ITGAD: variants seen among roughly 807,000 people sequenced by gnomAD.
ITGAD encodes integrin alpha-D.
Under a neutral mutation model 139.0 loss-of-function variants are expected in ITGAD, and 105 were observed. The observed-to-expected ratio is 0.76, with a 90% confidence interval of 0.65 to 0.89. The LOEUF (loss-of-function observed/expected upper bound fraction) is 0.89. Ranked by LOEUF, ITGAD falls within the 40% of genes least tolerant of loss-of-function variation. The pLI is 0.00. For synonymous variants in ITGAD, 569 were observed against 598.3 expected, an observed-to-expected ratio of 0.95 and a Z score of 0.71; for missense variants, 1,384 against 1,487.3, an observed-to-expected ratio of 0.93 and a Z score of 1.14.
At position 31,397,384 on chromosome 16, in the gene ITGAD, G is replaced by A; in HGVS notation, c.163G>A (p.Val55Met). ...ACTCGTGGTGGGAGCACCCCTGGAG[G>A]TGGTGGCGGCCAACCAGACGGGACG... is the stretch of plus-strand genomic sequence containing the variant. ...SRLVVGAPLE[V>M]VAANQTGRLY... The change falls in exon 3 of 30, where the codon GTG becomes ATG. Residue 55 changes from valine (V) to methionine (M), a missense_variant. Transcript: ENST00000389202. The A allele has an allele frequency of 1.2e-6, 2 of 1,603,586 alleles. No individual in the cohort carries two copies. The highest frequency in any genetic ancestry group is 1.7e-6 in the Non-Finnish European group (2 of 1,175,626).
At chr16:31,398,436 A>C (rs1444613436) in intron 5 of ITGAD, among the ~76,000 whole-genome samples, 25 of 150,874 alleles carry the variant, frequency 1.7e-4, no homozygotes, top group Admixed American at 1.1e-3. Flanking sequence ...TCAAAAAAAA[A>C]AAAAAAACAA....
In ITGAD at chr16:31,410,802, A is replaced by G; in HGVS notation, c.1280A>G (p.Gln427Arg). Residue 427 changes from glutamine (Q) to arginine (R), a missense_variant, in exon 12 of 30, where the codon CAG (glutamine) becomes CGG (arginine). Physicochemically the swap from Gln to Arg is conservative, Grantham distance 43 (BLOSUM62 1). Coordinates refer to ENST00000389202, the MANE Select transcript of ITGAD (RefSeq NM_005353.3). Reference protein sequence around the residue: ...QNLVLGAPRYQHTGKAVIFTQ... With the variant: ...QNLVLGAPRYRHTGKAVIFTQ... ...CTGGTCCTGGGGGCCCCCCGCTACCAGCATACCGGGAAGGCTGTCATCTTC... is the reference window on the plus strand; with the variant it reads ...CTGGTCCTGGGGGCCCCCCGCTACCGGCATACCGGGAAGGCTGTCATCTTC... 1 of 1,613,896 alleles carries G rather than the reference A, an allele frequency of 6.2e-7. No homozygotes were observed. The highest frequency in any genetic ancestry group is 1.1e-5 in the South Asian group (1 of 91,090).
Position 31,397,432 on chromosome 16 carries a change from A to C in ITGAD, c.211A>C (p.Thr71Pro). 6.2e-7 allele frequency: 1 copy of C among 1,601,202 alleles called. No homozygotes were observed. The highest frequency in any genetic ancestry group is 1.1e-5 in the South Asian group (1 of 88,862). Residue 71 changes from threonine to proline, a missense_variant, in exon 3 of 30, where the codon ACC becomes CCC. Physicochemically the swap from Thr to Pro is conservative, Grantham distance 38. Transcript: ENST00000389202. ...ACGGCTGTATGACTGCGCAGCTGCC[A>C]CCGGCATGTGCCAGCCCATCCCGCT... Reference protein sequence around the residue: ...TGRLYDCAAATGMCQPIPLHI... With the variant: ...TGRLYDCAAAPGMCQPIPLHI...
At position 31,412,897 on chromosome 16, in the gene ITGAD, G is replaced by A. The variant is rs540261722; in HGVS notation, c.1767G>A (p.Gly589=). The change falls in exon 15 of 30, where the codon GGG becomes GGA. Residue 589 remains glycine, a synonymous_variant. Coordinates refer to ENST00000389202, the MANE Select transcript of ITGAD (RefSeq NM_005353.3). The stretch of plus-strand genomic sequence containing the variant: ...AGTATTTTGGGCAGGCGCTGAGTGG[G>A]GGTCAGGACCTCACCCAGGATGGAC... ...RLQYFGQALS[G]GQDLTQDGLM... The A allele has an allele frequency of 1.2e-6, 2 of 1,614,060 alleles. No individual in the cohort carries two copies. Among genetic ancestry groups the A allele is most frequent in the African/African-American group, 2.7e-5 (2 of 75,028 alleles).
At chr16:31,417,592 C>T (rs950232934) in intron 20 of ITGAD, among the ~76,000 whole-genome samples, 3 of 151,898 alleles carry the variant, frequency 2.0e-5, no homozygotes, top group South Asian at 2.1e-4. Context: ...TTTTCTTCTG[C>T]TTTTTAAAAA....
rs2081764852 is a variant in ITGAD, at chr16:31,412,824, T to C, written c.1708-14T>C. 1 of 1,613,152 alleles carries C rather than the reference T, an allele frequency of 6.2e-7. No homozygotes were observed. The highest frequency in any genetic ancestry group is 8.5e-7 in the Non-Finnish European group (1 of 1,179,852). On this transcript the variant is annotated splice_polypyrimidine_tract_variant and intron_variant, in intron 14 of 29. Coordinates refer to ENST00000389202, the MANE Select transcript of ITGAD (RefSeq NM_005353.3). ...CATCTTCCAGCCTGATTCACCCTTT[T>C]CTCTTCTGGCCAGCGGATTGCCAGC... is the stretch of plus-strand genomic sequence containing the variant.
intron 10 of ITGAD, among the ~76,000 whole-genome samples, chr16:31,408,836 C>A (rs947394860): frequency 6.6e-6 from 1 of 152,156 alleles, no homozygotes; most frequent in African/African-American, 2.4e-5. Context: ...GGGCACAGGA[C>A]AAAGCAAGTG....
At chr16:31,415,072 A>G in intron 18 of ITGAD, 81 bp downstream of exon 18, 1 of 1,503,440 alleles carries the variant, frequency 6.7e-7, no homozygotes, top group Non-Finnish European at 9.1e-7. Context: ...TAGCTCCCCA[A>G]CACCCAACCA....
intron 26 of ITGAD, 27 bp from the exon 27 acceptor site, chr16:31,423,818 T>G (rs376596309): frequency 1.9e-6 from 3 of 1,609,634 alleles, no homozygotes; most frequent in African/African-American, 2.7e-5. Flanking sequence ...GAAGAACCCC[T>G]CAGTTTCACC....
intron 23 of ITGAD, among the ~76,000 whole-genome samples, chr16:31,419,631 C>A (rs1174722923): frequency 2.0e-5 from 3 of 151,990 alleles, no homozygotes; most frequent in Non-Finnish European, 4.4e-5. Context: ...GCCAACATGG[C>A]GAAACCTTGT....
chr16:31,425,919 G>A, intron 29 of ITGAD, 96 bp from the exon 30 acceptor site: 1 of 753,078 alleles, frequency 1.3e-6, no homozygotes, highest in Non-Finnish European at 2.3e-6. Context: ...GACCTCAGGT[G>A]ATCCACCCTC....
At position 31,426,036 on chromosome 16, in the gene ITGAD, T is replaced by C. The variant is rs1337983582; in HGVS notation, c.3394T>C (p.Tyr1132His). ...LYKLGFFKRH[Y>H]KEMLEDKPED... ...ATAGCTTGGCTTCTTCAAACGCCAC[T>C]ACAAGGAAATGCTGGAGGACAAGCC... Residue 1132 changes from tyrosine (Y) to histidine (H), a missense_variant, in exon 30 of 30, where the codon TAC becomes CAC. By Grantham distance (83) the Tyr-to-His change is moderately conservative (BLOSUM62 2). Coordinates refer to ENST00000389202, the MANE Select transcript of ITGAD (RefSeq NM_005353.3). The C allele has an allele frequency of 6.2e-7, 1 of 1,613,850 alleles. No individual in the cohort carries two copies. The highest frequency in any genetic ancestry group is 2.2e-5 in the East Asian group (1 of 44,880).
At chr16:31,397,690 G>GC (rs1397336896) in intron 4 of ITGAD, 24 bp downstream of exon 4, 5 of 1,543,306 alleles carry the variant, frequency 3.2e-6, no homozygotes, top group Non-Finnish European at 4.4e-6. Flanking sequence ...TTGGGCCACG[G>GC]GGGGGTGGGG....
At chr16:31,396,289 T>C (rs2081262331) in intron 2 of ITGAD, among the ~76,000 whole-genome samples, 1 of 152,194 alleles carries the variant, frequency 6.6e-6, no homozygotes, top group African/African-American at 2.4e-5. Flanking sequence ...CTGACCAATA[T>C]GGTGAAACCC....
At chr16:31,416,078 C>T (rs933529620) in intron 18 of ITGAD, 135 bp from the exon 19 acceptor site, 35 of 592,450 alleles carry the variant, frequency 5.9e-5, no homozygotes, top group Non-Finnish European at 8.8e-5. Context: ...ACCGCACCTG[C>T]GCCCCTTGTT....
At chr16:31,394,113 A>G in intron 1 of ITGAD, 123 bp from the exon 2 acceptor site, 1 of 562,816 alleles carries the variant, frequency 1.8e-6, no homozygotes, top group South Asian at 2.1e-5. Flanking sequence ...CCTCAGCAAC[A>G]GAGCGAGACT....
intron 3 of ITGAD, 49 bp from the exon 4 acceptor site, chr16:31,397,547 G>T: frequency 6.3e-7 from 1 of 1,598,528 alleles, no homozygotes. Flanking sequence ...GACCTTCCCC[G>T]CAAATGAGTG....
intron 5 of ITGAD, among the ~76,000 whole-genome samples, chr16:31,399,975 GGGGTCCTTTTTCAAAA>G (rs2081363464): frequency 6.6e-6 from 1 of 152,210 alleles, no homozygotes; most frequent in Non-Finnish European, 1.5e-5. Flanking sequence ...CCTGATTGGT[GGGGTCCTTTTTCAAAA>G]GGATAAGTCC....
At chr16:31,398,389 T>C (rs2081324736) in intron 5 of ITGAD, among the ~76,000 whole-genome samples, 1 of 148,482 alleles carries the variant, frequency 6.7e-6, no homozygotes, top group South Asian at 2.1e-4. Context: ...ATTGTGCCAT[T>C]GCACTCCAGC....
Sources: allele counts gnomAD v4.1 joint callset (sites outside exome capture counted in the v4.1 genomes callset), GRCh38; gene constraint gnomAD v4.1.1; transcripts MANE v1.5; gene names NCBI Gene and HGNC (gene_info 2026-07-23, HGNC 2026-07-21).